DGKB: variants seen among roughly 807,000 people sequenced by gnomAD.
DGKB encodes the protein 90 kDa diacylglycerol kinase.
A neutral mutation model predicts 114.3 loss-of-function variants in DGKB; 67 were observed. The observed-to-expected ratio is 0.59, with a 90% CI of 0.48 to 0.72. DGKB has a LOEUF of 0.72. DGKB is among the 30% of genes least tolerant of loss of function. The pLI, the probability that DGKB is intolerant of heterozygous loss-of-function variation, is 0.00. For missense variants in DGKB, 907 were observed against 975.2 expected (o/e 0.93, Z 0.93); for synonymous variants, 398 against 323.1 (o/e 1.23, Z -2.49).
intron 23 of DGKB, among the ~76,000 whole-genome samples, chr7:14,329,264 T>C (rs1261631321): frequency 6.6e-6 from 1 of 151,750 alleles, no homozygotes; most frequent in Non-Finnish European, 1.5e-5. Flanking sequence ...GCACCCTTCT[T>C]AGAAAAAGTG....
chr7:14,791,642 T>G (rs1458708023), intron 2 of DGKB, among the ~76,000 whole-genome samples: 1 of 152,156 alleles, frequency 6.6e-6, no homozygotes, highest in Non-Finnish European at 1.5e-5. Context: ...CAAATGGGTG[T>G]TGGATTTTGT....
At chr7:14,334,403 C>T (rs994915367) in intron 23 of DGKB, among the ~76,000 whole-genome samples, 10 of 121,034 alleles carry the variant, frequency 8.3e-5, no homozygotes, top group African/African-American at 1.1e-4. Context: ...TGTGCGCGCG[C>T]GTGTATGTGG....
chr7:14,272,000 T>G (rs1257495018), intron 23 of DGKB, among the ~76,000 whole-genome samples: 1 of 152,358 alleles, frequency 6.6e-6, no homozygotes, highest in Non-Finnish European at 1.5e-5. Flanking sequence ...GTTAGCACTA[T>G]ATTTGCATAT....
chr7:14,491,660 C>G (rs1483077082), intron 20 of DGKB, among the ~76,000 whole-genome samples: 1 of 152,056 alleles, frequency 6.6e-6, no homozygotes, highest in Non-Finnish European at 1.5e-5. Flanking sequence ...GTCCATAATT[C>G]TATTCTTAAC....
chr7:14,869,291 G>T (rs1852120381), intron 1 of DGKB, among the ~76,000 whole-genome samples: 1 of 152,086 alleles, frequency 6.6e-6, no homozygotes, highest in African/African-American at 2.4e-5. Context: ...TCACATTGGG[G>T]TTTACCTTGG....
intron 3 of DGKB, among the ~76,000 whole-genome samples, chr7:14,755,702 C>G (rs995287443): frequency 3.3e-5 from 5 of 152,030 alleles, no homozygotes; most frequent in Admixed American, 2.6e-4. Flanking sequence ...AGATTTATTT[C>G]TCATCATTAG....
chr7:14,213,676 A>G (rs1788500748), intron 23 of DGKB, among the ~76,000 whole-genome samples: 1 of 152,112 alleles, frequency 6.6e-6, no homozygotes, highest in East Asian at 1.9e-4. Flanking sequence ...GACTTCAGGA[A>G]CTAGTGCAAA....
intron 6 of DGKB, among the ~76,000 whole-genome samples, chr7:14,712,072 A>G (rs1307005846): frequency 1.3e-5 from 2 of 152,168 alleles, no homozygotes; most frequent in African/African-American, 4.8e-5. Context: ...AATCCATGAA[A>G]TACAAATAGG....
intron 21 of DGKB, among the ~76,000 whole-genome samples, chr7:14,366,178 A>G (rs1287468233): frequency 6.6e-6 from 1 of 152,180 alleles, no homozygotes; most frequent in East Asian, 1.9e-4. Flanking sequence ...AAGTTAATCA[A>G]TACCAGAGTT....
intron 1 of DGKB, among the ~76,000 whole-genome samples, chr7:14,867,041 T>C (rs1174788319): frequency 1.3e-5 from 2 of 152,230 alleles, no homozygotes; most frequent in African/African-American, 4.8e-5. Flanking sequence ...TGGTTAAGTG[T>C]CTGCTAAAGT....
chr7:14,620,398 G>A (rs1305517956), intron 15 of DGKB, among the ~76,000 whole-genome samples: 1 of 151,038 alleles, frequency 6.6e-6, no homozygotes, highest in African/African-American at 2.4e-5. Context: ...CAAGCATTTA[G>A]GCATCTTCTC....
chr7:14,383,452 C>T (rs543451141), intron 21 of DGKB, among the ~76,000 whole-genome samples: 20 of 152,216 alleles, frequency 1.3e-4, no homozygotes, highest in Middle Eastern at 6.8e-3. Context: ...AGAAAACAGA[C>T]GTCTATTATT....
chr7:14,841,047 C>G, intron 2 of DGKB, 147 bp downstream of exon 2: 1 of 609,480 alleles, frequency 1.6e-6, no homozygotes, highest in Non-Finnish European at 2.7e-6. Context: ...AAAAGGTAGT[C>G]TCAAGTCAAC....
intron 13 of DGKB, among the ~76,000 whole-genome samples, chr7:14,630,797 G>C (rs1292612502): frequency 3.9e-5 from 6 of 151,906 alleles, no homozygotes; most frequent in Non-Finnish European, 8.8e-5. Flanking sequence ...AATTTTACTT[G>C]AGAGTAATTT....
intron 4 of DGKB, among the ~76,000 whole-genome samples, chr7:14,747,779 G>GCGCGCGCGCGCA (rs1554636463): frequency 3.4e-5 from 5 of 148,502 alleles, no homozygotes; most frequent in African/African-American, 1.2e-4. Context: ...CCACGCGCAC[G>GCGCGCGCGCGCA]CACACACACA....
At chr7:14,874,031 C>T (rs547711874) in intron 1 of DGKB, among the ~76,000 whole-genome samples, 2 of 152,128 alleles carry the variant, frequency 1.3e-5, no homozygotes, top group African/African-American at 4.8e-5. Flanking sequence ...TAACAGTAAT[C>T]TGTCTTTAAA....
intron 20 of DGKB, among the ~76,000 whole-genome samples, chr7:14,553,316 A>T (rs988649209): frequency 1.3e-5 from 2 of 152,222 alleles, no homozygotes; most frequent in African/African-American, 4.8e-5. Context: ...ATTCCTAAGA[A>T]AATGTAGACT....
At chr7:14,167,278 G>A (rs1016917191) in intron 25 of DGKB, among the ~76,000 whole-genome samples, 1 of 151,870 alleles carries the variant, frequency 6.6e-6, no homozygotes, top group Non-Finnish European at 1.5e-5. Flanking sequence ...CCATGGCAGT[G>A]GAAGGTAATT....
rs72000049 is a variant in DGKB, at chr7:14,260,109, A to AAC, written c.2122+78404_2122+78405dup. 5.4e-3 allele frequency among the ~76,000 whole-genome samples: 777 copies of AAC among 143,388 alleles called. 6 individuals are homozygous for AAC. The highest frequency in any genetic ancestry group is 0.012 in the East Asian group (54 of 4,612). 94.1% of individuals were successfully genotyped at this position (143,388 alleles called of 152,430 possible). On this transcript the variant is annotated intron_variant, in intron 23 of 25. Transcript: ENST00000402815. ...GTGTACACACACACACACACACATG[A>AAC]ACACACACACACACACACACACACA...
Sources: allele counts gnomAD v4.1 joint callset (sites outside exome capture counted in the v4.1 genomes callset), GRCh38; gene constraint gnomAD v4.1.1; transcripts MANE v1.5; gene names NCBI Gene and HGNC (gene_info 2026-07-23, HGNC 2026-07-21).